The following DNASE1 variants were observed in gnomAD, a reference collection of about 807,000 sequenced individuals.
DNASE1 encodes deoxyribonuclease 1.
A neutral mutation model predicts 33.9 loss-of-function variants in DNASE1; 40 were observed. The observed-to-expected ratio is 1.18, with a 90% CI of 0.92 to 1.54. The LOEUF (loss-of-function observed/expected upper bound fraction) is 1.54, where lower values mean the gene tolerates loss of function less well. Ranked by LOEUF, DNASE1 falls within the 40% of genes most tolerant of loss-of-function variation. The pLI is 0.00. For synonymous variants in DNASE1, 216 were observed against 160.0 expected (o/e 1.35, Z -2.64); for missense variants, 518 against 372.6 (o/e 1.39, Z -3.21).
chr16:3,645,393 A>C (rs1320096147), intron 1 of DNASE1, among the ~76,000 whole-genome samples: 1 of 152,248 alleles, frequency 6.6e-6, no homozygotes. Context: ...GTCCAGTTGC[A>C]GTTCGCCTTG....
At chr16:3,638,620 G>C (rs945144634), upstream of DNASE1, among the ~76,000 whole-genome samples, 19 of 152,222 alleles carry the variant, frequency 1.2e-4, no homozygotes, top group Admixed American at 7.2e-4. Flanking sequence ...TTACAGGCGT[G>C]AGCCACCACG....
At chr16:3,631,669 C>A (rs762876611) in intron 1 of DNASE1, among the ~76,000 whole-genome samples, 2 of 151,978 alleles carry the variant, frequency 1.3e-5, no homozygotes, top group African/African-American at 2.4e-5. Context: ...ATTATAAGCA[C>A]GCACTACCAT....
intron 1 of DNASE1, among the ~76,000 whole-genome samples, chr16:3,619,498 G>A (rs1311296394): frequency 3.3e-5 from 5 of 151,632 alleles, no homozygotes; most frequent in East Asian, 1.9e-4. Context: ...AGTAGCTGGG[G>A]CTACAGGCTC....
chr16:3,624,104 C>T (rs558174920), intron 1 of DNASE1, among the ~76,000 whole-genome samples: 14 of 152,042 alleles, frequency 9.2e-5, no homozygotes, highest in African/African-American at 3.4e-4. Context: ...TGGTGAAACC[C>T]CGTCTCTACT....
chr16:3,625,204 G>C (rs1177708989), intron 1 of DNASE1, among the ~76,000 whole-genome samples: 1 of 152,176 alleles, frequency 6.6e-6, no homozygotes, highest in Non-Finnish European at 1.5e-5. Flanking sequence ...TACTTGGGAG[G>C]CTGAGGCAGG....
Position 3,636,828 on chromosome 16 carries a change from A to G in DNASE1, c.-1358-3887A>G, listed in dbSNP as rs1277921263. ...GAGTGAGACTCTGTCTGGGGAAAAA[A>G]AGAAAAAAAAACAGGCCAGGCACAG... On this transcript the variant is annotated intron_variant and NMD_transcript_variant, in intron 1 of 11. Transcript: ENST00000570769. 2.0e-5 allele frequency among the ~76,000 whole-genome samples: 3 copies of G among 151,960 alleles called. No homozygotes were observed. The East Asian group carries it at 5.8e-4, about 29-fold the overall frequency.
rs923719353 is a variant in DNASE1, at chr16:3,618,268, A to G, written c.-1359+6262A>G. 1.2e-4 allele frequency among the ~76,000 whole-genome samples: 18 copies of G among 151,162 alleles called. No homozygotes were observed. In the East Asian group the frequency reaches 3.5e-3, roughly 29 times the overall value. On this transcript the variant is annotated intron_variant and NMD_transcript_variant, in intron 1 of 11. Coordinates refer to the DNASE1 transcript ENST00000570769. ...CATTTCCTAAAAAAAAAAAAAAAAA[A>G]GTATTGGTGAGGATGTAAGGAAGTT... is the stretch of plus-strand genomic sequence containing the variant.
At chr16:3,619,768 C>A (rs905121879) in intron 1 of DNASE1, among the ~76,000 whole-genome samples, 2 of 152,152 alleles carry the variant, frequency 1.3e-5, no homozygotes, top group African/African-American at 4.8e-5. Flanking sequence ...GCCTTGGCCT[C>A]CCAAAGTGCT....
intron 1 of DNASE1, among the ~76,000 whole-genome samples, chr16:3,616,379 G>A (rs1324877505): frequency 6.6e-6 from 1 of 152,220 alleles, no homozygotes; most frequent in Non-Finnish European, 1.5e-5. Flanking sequence ...CCGGCATTTT[G>A]GGAGTCTGAG....
At chr16:3,626,164 T>C (rs1035592225) in intron 1 of DNASE1, among the ~76,000 whole-genome samples, 3 of 151,488 alleles carry the variant, frequency 2.0e-5, no homozygotes, top group East Asian at 1.9e-4. Flanking sequence ...TAGTATCATA[T>C]GCACAATGAC....
In DNASE1 at chr16:3,657,480, A is replaced by G. The variant is rs555827664; in HGVS notation, c.704+139A>G. On this transcript the variant is annotated intron_variant, in intron 7 of 8. Transcript: ENST00000246949. ...CAGTTGATCCACTACAGGGAACAGA[A>G]TAACAAGAGCCACGATTTTTAGGTT... The G allele has an allele frequency of 1.0e-3, 1,375 of 1,319,302 alleles. 7 individuals are homozygous for G. The highest frequency in any genetic ancestry group is 2.3e-3 in the Middle Eastern group (10 of 4,324). 81.7% of individuals were successfully genotyped at this position (1,319,302 alleles called of 1,614,324 possible).
chr16:3,635,496 T>C (rs1596593586), intron 1 of DNASE1, among the ~76,000 whole-genome samples: 2 of 140,990 alleles, frequency 1.4e-5, no homozygotes, highest in African/African-American at 5.3e-5. Flanking sequence ...AAAAGTAAAA[T>C]ATTTTGCCTT....
At chr16:3,624,441 T>A (rs924999505) in intron 1 of DNASE1, among the ~76,000 whole-genome samples, 5 of 152,196 alleles carry the variant, frequency 3.3e-5, no homozygotes, top group African/African-American at 1.2e-4. Flanking sequence ...GGCACTGGGT[T>A]AGCGTCCCTT....
Position 3,657,992 on chromosome 16 carries a change from G to A in DNASE1, c.*39G>A. The A allele has an allele frequency of 6.2e-7, 1 of 1,612,498 alleles. No individual in the cohort carries two copies. Among genetic ancestry groups the A allele is most frequent in the Non-Finnish European group, 8.5e-7 (1 of 1,179,416 alleles). ...ACACCAGTTGAACTGCAGGAAGAGA[G>A]GACCCATCCTGCCACAGGACCCAGA... On this transcript the variant is annotated 3_prime_UTR_variant, in exon 9 of 9. Transcript: ENST00000246949.
chr16:3,661,842 A>C (rs1222178738), downstream of DNASE1: 19 of 1,120,352 alleles, frequency 1.7e-5, no homozygotes, highest in Middle Eastern at 6.3e-4. Context: ...GGTGCAGCCT[A>C]AACTGCATAC....
At chr16:3,634,851 A>G (rs571841953) in intron 1 of DNASE1, among the ~76,000 whole-genome samples, 6 of 151,652 alleles carry the variant, frequency 4.0e-5, no homozygotes, top group African/African-American at 9.7e-5. Flanking sequence ...GAGTGTTACT[A>G]TGTGGCCCAG....
At chr16:3,632,720 A>G (rs1045241846) in intron 1 of DNASE1, among the ~76,000 whole-genome samples, 1 of 151,794 alleles carries the variant, frequency 6.6e-6, no homozygotes, top group African/African-American at 2.4e-5. Flanking sequence ...TAAGTAGCTG[A>G]GATTACAGGC....
At chr16:3,621,795 C>T (rs1022945634) in intron 1 of DNASE1, among the ~76,000 whole-genome samples, 6 of 152,188 alleles carry the variant, frequency 3.9e-5, no homozygotes, top group African/African-American at 1.4e-4. Context: ...GTGCATTGAA[C>T]ATACTTGTAT....
rs1479851345 is a variant in DNASE1 at position 3,612,595 on chromosome 16, G to A, written c.-1359+589G>A. Among the ~76,000 whole-genome samples, 4 of 145,728 alleles carry A rather than the reference G, an allele frequency of 2.7e-5. No homozygotes were observed. In the South Asian group the frequency reaches 6.8e-4, roughly 25 times the overall value. ...AGTAGAGACGGGCGGTGGGGGCGGG[G>A]GGGGGAGTCTCACTATGTTGCCCAG... On this transcript the variant is annotated intron_variant and NMD_transcript_variant, in intron 1 of 11. Coordinates refer to the DNASE1 transcript ENST00000570769.
Sources: allele counts gnomAD v4.1 joint callset (sites outside exome capture counted in the v4.1 genomes callset), GRCh38; gene constraint gnomAD v4.1.1; transcripts MANE v1.5; gene names NCBI Gene and HGNC (gene_info 2026-07-23, HGNC 2026-07-21).